Variants in LPIN1 observed in about 807,000 individuals in gnomAD.
LPIN1 encodes the protein phosphatidate phosphatase LPIN1.
LPIN1 carries 71 observed loss-of-function variants against 107.5 expected under a neutral mutation model. That is an observed-to-expected ratio of 0.66 (90% CI 0.55 to 0.80). LPIN1 has a LOEUF of 0.80. Ranked by LOEUF, LPIN1 falls within the 30% of genes least tolerant of loss-of-function variation. The probability of loss-of-function intolerance (pLI) is 0.00; values close to 1 mark genes in which losing one functional copy is unlikely to be tolerated. For missense variants in LPIN1, 1,043 were observed against 1,160.6 expected, an observed-to-expected ratio of 0.90 and a Z score of 1.47; for synonymous variants, 445 against 452.6, an observed-to-expected ratio of 0.98 and a Z score of 0.21.
chr2:11,748,535 G>T (rs1330005184), intron 1 of LPIN1, among the ~76,000 whole-genome samples: 2 of 152,196 alleles, frequency 1.3e-5, no homozygotes, highest in Admixed American at 1.3e-4. Flanking sequence ...ATAATATGGG[G>T]TCCACGAATC....
Position 11,697,529 on chromosome 2 carries a change from C to T in LPIN1, c.82-16227C>T, listed in dbSNP as rs1662651611. On this transcript the variant is annotated intron_variant, in intron 1 of 21. Transcript: ENST00000449576. This position sits in a 1 kb window ranked among gnomAD's most constrained non-coding sequence, Gnocchi z 4.6. Reference sequence around the variant, plus strand: ...GTCGTGTCTTGGGAATTCATCCCTTCCTCCCTAGCACTTGGGTGCCCAGTG... The same window carrying T: ...GTCGTGTCTTGGGAATTCATCCCTTTCTCCCTAGCACTTGGGTGCCCAGTG... Among the ~76,000 whole-genome samples the T allele has an allele frequency of 6.6e-6, 1 of 152,130 alleles. No individual in the cohort carries two copies. Among genetic ancestry groups the T allele is most frequent in the Non-Finnish European group, 1.5e-5 (1 of 68,030 alleles).
chr2:11,815,662 C>T (rs924792699), intron 18 of LPIN1, among the ~76,000 whole-genome samples: 2 of 152,076 alleles, frequency 1.3e-5, no homozygotes, highest in East Asian at 3.9e-4. Flanking sequence ...GCCTCTATCT[C>T]ATCTCCTTAG....
chr2:11,803,181 T>C lies in LPIN1; in HGVS notation c.2013+148T>C, dbSNP rs188241413. On this transcript the variant is annotated intron_variant, in intron 15 of 20. Transcript: ENST00000674199. This position sits in a 1 kb window ranked among gnomAD's most constrained non-coding sequence, Gnocchi z 4.2. ...ATCCCTCAACTGGGTACCCGCTGTT[T>C]CCACCCCAACTCCAGCACTATCCAG... 1.0e-3 allele frequency: 1,123 copies of C among 1,085,026 alleles called. 9 individuals are homozygous for C. In the African/African-American group the frequency reaches 0.015, roughly 14 times the overall value. The allele number at this position is 1,085,026 out of a possible 1,614,324, so 67.2% of individuals were successfully genotyped here.
chr2:11,795,444 C>T lies in LPIN1; in HGVS notation c.1843C>T (p.His615Tyr), dbSNP rs1676519982. ...KPEQCLAGKA[H>Y]STGEQPPQLS... ...AGAGCAGTGCTTGGCTGGCAAGGCC[C>T]ATAGCACCGGAGAGCAACCGCCGCA... The change falls in exon 14 of 21, where the codon CAT becomes TAT. Residue 615 changes from histidine (H) to tyrosine (Y), a missense_variant. His to Tyr is a moderately conservative substitution (Grantham distance 83). Transcript: ENST00000674199. 1.2e-6 allele frequency: 2 copies of T among 1,613,984 alleles called. No homozygotes were observed. Among genetic ancestry groups the T allele is most frequent in the African/African-American group, 1.3e-5 (1 of 74,934 alleles).
chr2:11,746,653 C>T lies in LPIN1; in HGVS notation c.-28C>T, dbSNP rs988797252. 3.0e-6 allele frequency: 3 copies of T among 985,140 alleles called. No homozygotes were observed. The highest frequency in any genetic ancestry group is 3.5e-5 in the African/African-American group (2 of 57,238). The allele number at this position is 985,140 out of a possible 1,614,324, so 61.0% of individuals were successfully genotyped here. On this transcript the variant is annotated 5_prime_UTR_variant, in exon 1 of 21. Coordinates refer to ENST00000674199, the MANE Select transcript of LPIN1 (RefSeq NM_001349206.2). ...CTGGGTGTTTGCAATACAAAGGCGG[C>T]CACGCGCGGCGCCGCTCGGTGAGTA...
chr2:11,751,955 T>C lies in LPIN1; in HGVS notation c.-10+5284T>C, dbSNP rs370376995. On this transcript the variant is annotated intron_variant, in intron 1 of 20. Coordinates refer to ENST00000674199, the MANE Select transcript of LPIN1 (RefSeq NM_001349206.2). ...ATATACATTTTCATGTTAATATTTA[T>C]GGAGCTACCTCTCTACCATTTTATT... 3.9e-5 allele frequency among the ~76,000 whole-genome samples: 6 copies of C among 152,374 alleles called. No individual in the cohort carries two copies. The East Asian group carries it at 7.7e-4, about 20-fold the overall frequency.
At chr2:11,784,834 C>G in intron 9 of LPIN1, 52 bp from the exon 10 acceptor site, 1 of 1,575,570 alleles carries the variant, frequency 6.3e-7, no homozygotes, top group Non-Finnish European at 8.7e-7. Context: ...TGATGTAGGA[C>G]CCTGAACTGG....
At chr2:11,751,187 A>G (rs1343556113) in intron 1 of LPIN1, among the ~76,000 whole-genome samples, 1 of 151,344 alleles carries the variant, frequency 6.6e-6, no homozygotes, top group Non-Finnish European at 1.5e-5. Flanking sequence ...GAGGGTTGCA[A>G]AGTGTCAGCG....
chr2:11,693,818 ATATATTTTTTTTTTTTTT>A (rs1219778737), intron 1 of LPIN1, among the ~76,000 whole-genome samples: 1 of 27,314 alleles, frequency 3.7e-5, no homozygotes, highest in East Asian at 1.4e-3. Context: ...ATATATATAT[ATATATTTTTTTTTTTTTT>A]TTTTTTTTTT....
intron 2 of LPIN1, among the ~76,000 whole-genome samples, chr2:11,718,965 C>T (rs1337833389): frequency 2.6e-5 from 4 of 152,098 alleles, no homozygotes; most frequent in African/African-American, 7.2e-5. Context: ...TTCTATTGCC[C>T]GACTTTTTTG....
At position 11,734,113 on chromosome 2, in the gene LPIN1, A is replaced by G. The variant is rs1443490864; in HGVS notation, c.-71-7236A>G. ...CATGAATCAAAACAGACCAGTTTGT[A>G]TTAAATTAGAGACCTTCATTCACAT... On this transcript the variant is annotated intron_variant, in intron 1 of 21. Transcript: ENST00000396097. Among the ~76,000 whole-genome samples the G allele has an allele frequency of 2.6e-5, 4 of 152,354 alleles. No homozygotes were observed. The East Asian group carries it at 5.8e-4, about 22-fold the overall frequency.
intron 1 of LPIN1, among the ~76,000 whole-genome samples, chr2:11,686,458 G>A (rs1662007091): frequency 1.3e-5 from 2 of 152,184 alleles, no homozygotes; most frequent in Admixed American, 6.5e-5. Flanking sequence ...GACGGACTCC[G>A]GGAAAGATGG....
At chr2:11,693,770 A>G (rs1394772239) in intron 1 of LPIN1, among the ~76,000 whole-genome samples, 5 of 115,162 alleles carry the variant, frequency 4.3e-5, no homozygotes, top group Non-Finnish European at 8.6e-5. Context: ...AGAGCCATAT[A>G]TGTGTGTGTG....
At chr2:11,713,086 T>C (rs931442861) in intron 1 of LPIN1, among the ~76,000 whole-genome samples, 2 of 152,196 alleles carry the variant, frequency 1.3e-5, no homozygotes, top group Admixed American at 1.3e-4. Context: ...TTGAGTCATG[T>C]CTTCTGCCTT....
chr2:11,713,679 C>A, intron 1 of LPIN1: 1 of 851,344 alleles, frequency 1.2e-6, no homozygotes. Context: ...AGTATATTGG[C>A]AAAGTTATGC....
chr2:11,804,664 G>A, intron 16 of LPIN1, 93 bp downstream of exon 16: 1 of 1,336,820 alleles, frequency 7.5e-7, no homozygotes, highest in African/African-American at 1.4e-5. Context: ...TCTCCTCATG[G>A]GACTTGCACG....
In LPIN1 at chr2:11,805,144, A is replaced by G. The variant is rs1558275568; in HGVS notation, c.2237A>G (p.His746Arg). ...WTHQGIAKLY[H>R]KVSQNGYKFL... ...CATCAGGGCATCGCTAAGCTGTACC[A>G]TAAAGTGAGCCAGTGAGTACAGAGT... The change falls in exon 17 of 21, where the codon CAT becomes CGT. Residue 746 changes from histidine to arginine, a missense_variant. His to Arg is a conservative substitution (Grantham distance 29). Transcript: ENST00000674199. 3 of 1,613,810 alleles carry G rather than the reference A, an allele frequency of 1.9e-6. No homozygotes were observed. The South Asian group carries it at 3.3e-5, about 18-fold the overall frequency.
At chr2:11,763,854 G>GTCC (rs35249080) in intron 1 of LPIN1, among the ~76,000 whole-genome samples, 86,851 of 150,700 alleles carry the variant, frequency 0.58, 26,134 homozygotes, top group African/African-American at 0.73. Context: ...GGGTGTCCCT[G>GTCC]TCCTCCAAGC....
chr2:11,798,775 T>TAA (rs780195460), intron 14 of LPIN1, among the ~76,000 whole-genome samples: 1 of 131,522 alleles, frequency 7.6e-6, no homozygotes, highest in Admixed American at 7.7e-5. Flanking sequence ...TGCAGTTGAC[T>TAA]AAAAAAAAAA....
Sources: gnomAD v4.1 joint callset for allele counts (sites outside exome capture counted in the v4.1 genomes callset) on GRCh38, gnomAD v4.1.1 for gene constraint, Gnocchi (gnomAD v3.1) non-coding constraint, MANE v1.5 for transcripts, NCBI Gene and HGNC (gene_info 2026-07-23, HGNC 2026-07-21) for gene names.